Variants in PARVA observed in about 807,000 individuals in gnomAD.
The protein encoded by PARVA is alpha-parvin.
In PARVA, 25 loss-of-function variants were observed where a neutral mutation model predicts 52.6. That is an observed-to-expected ratio of 0.48 (90% confidence interval 0.35 to 0.66). The LOEUF (loss-of-function observed/expected upper bound fraction) is 0.66, where lower values mean the gene tolerates loss of function less well. Among genes scored for constraint, PARVA ranks in the 30% least tolerant of loss-of-function variants. The probability of loss-of-function intolerance (pLI) is 0.01; values close to 1 mark genes in which losing one functional copy is unlikely to be tolerated. For synonymous variants in PARVA, 185 were observed against 179.1 expected, an observed-to-expected ratio of 1.03 and a Z score of -0.26; for missense variants, 373 against 450.9, an observed-to-expected ratio of 0.83 and a Z score of 1.56.
chr11:12,506,180 G>C (rs1554902088), intron 6 of PARVA, among the ~76,000 whole-genome samples: 2 of 151,168 alleles, frequency 1.3e-5, no homozygotes, highest in Non-Finnish European at 3.0e-5. Context: ...AATATAGTCT[G>C]TTTTTTTTTA....
At chr11:12,435,333 C>A (rs1254303016) in intron 1 of PARVA, among the ~76,000 whole-genome samples, 1 of 152,178 alleles carries the variant, frequency 6.6e-6, no homozygotes, top group African/African-American at 2.4e-5. Flanking sequence ...TCCTGTCACT[C>A]CAGCCAAGAT....
chr11:12,428,542 GTA>G (rs2134991526), intron 1 of PARVA, among the ~76,000 whole-genome samples: 1 of 152,296 alleles, frequency 6.6e-6, no homozygotes, highest in East Asian at 1.9e-4. Context: ...TATCTAGATA[GTA>G]TATGCAGAGT....
intron 4 of PARVA, among the ~76,000 whole-genome samples, chr11:12,491,692 A>G (rs1455221163): frequency 1.3e-5 from 2 of 152,234 alleles, no homozygotes; most frequent in African/African-American, 2.4e-5. Flanking sequence ...ACTTTTGTAT[A>G]TCAAATATTT....
intron 1 of PARVA, among the ~76,000 whole-genome samples, chr11:12,401,097 G>A (rs1465589051): frequency 1.3e-5 from 2 of 152,214 alleles, no homozygotes; most frequent in African/African-American, 4.8e-5. Flanking sequence ...GCGGCATGTA[G>A]TGGGACCAGG....
intron 1 of PARVA, among the ~76,000 whole-genome samples, chr11:12,455,996 G>C (rs1266459058): frequency 6.6e-6 from 1 of 152,154 alleles, no homozygotes; most frequent in Non-Finnish European, 1.5e-5. Context: ...GGCTTTTCTA[G>C]TCCCTTTTTC....
At chr11:12,430,637 C>T (rs1321378550) in intron 1 of PARVA, among the ~76,000 whole-genome samples, 5 of 152,118 alleles carry the variant, frequency 3.3e-5, no homozygotes, top group South Asian at 4.1e-4. Context: ...TGAATCATGA[C>T]GTTTAATGCA....
At chr11:12,392,040 G>A (rs1939666574) in intron 1 of PARVA, among the ~76,000 whole-genome samples, 1 of 151,804 alleles carries the variant, frequency 6.6e-6, no homozygotes, top group Non-Finnish European at 1.5e-5. Flanking sequence ...CTAACCCCAA[G>A]TTGTCACTAA....
intron 4 of PARVA, chr11:12,478,607 A>C (rs1234146928): frequency 6.0e-6 from 1 of 166,218 alleles, no homozygotes; most frequent in Non-Finnish European, 1.3e-5. Flanking sequence ...CTCTACCTGA[A>C]TCTGCTTTAG....
chr11:12,413,904 A>C (rs1449635977), intron 1 of PARVA, among the ~76,000 whole-genome samples: 1 of 152,222 alleles, frequency 6.6e-6, no homozygotes. Flanking sequence ...TTTCTGCACA[A>C]AACAGTAACT....
chr11:12,481,905 C>T (rs893115480), intron 4 of PARVA, among the ~76,000 whole-genome samples: 2 of 152,002 alleles, frequency 1.3e-5, no homozygotes, highest in East Asian at 1.9e-4. Context: ...CGTGGTGGCT[C>T]ACACCTGTAA....
chr11:12,413,564 T>G (rs1197445238), intron 1 of PARVA, among the ~76,000 whole-genome samples: 1 of 151,068 alleles, frequency 6.6e-6, no homozygotes, highest in Non-Finnish European at 1.5e-5. Flanking sequence ...TTAAAAGCAG[T>G]GTTATGATGG....
At chr11:12,399,146 G>A (rs1378461975) in intron 1 of PARVA, among the ~76,000 whole-genome samples, 1 of 152,180 alleles carries the variant, frequency 6.6e-6, no homozygotes, top group East Asian at 1.9e-4. Context: ...CTGCCGCTCA[G>A]TATATATTAC....
rs756671028 is a variant in PARVA at position 12,508,684 on chromosome 11, A to C, written c.716+42A>C. 3.6e-6 allele frequency: 5 copies of C among 1,393,320 alleles called. No homozygotes were observed. In the Admixed American group the frequency reaches 5.1e-5, roughly 14 times the overall value. The allele number at this position is 1,393,320 out of a possible 1,614,324, so 86.3% of individuals were successfully genotyped here. A position where few individuals can be genotyped will look rare whatever the true frequency, so the allele number is the denominator to read the frequency against. ...GTTGCCAGCGATTCTGTAATGGAAC[A>C]CAGATGTTTCTCTGAAATTCATCCA... On this transcript the variant is annotated intron_variant, in intron 7 of 12. Transcript: ENST00000334956.
chr11:12,461,268 A>G (rs2135023668), intron 1 of PARVA, among the ~76,000 whole-genome samples: 1 of 152,316 alleles, frequency 6.6e-6, no homozygotes, highest in Admixed American at 6.5e-5. Flanking sequence ...TCCTTGGTTT[A>G]GGTGGCTTAT....
In PARVA at chr11:12,496,584, A is replaced by G; in HGVS notation, c.527A>G (p.Lys176Arg). The change falls in exon 5 of 13, where the codon AAG becomes AGG. Residue 176 changes from lysine (K) to arginine (R), a missense_variant. Lys to Arg is a conservative substitution (Grantham distance 26). Transcript: ENST00000334956. ...ETLKLPPRSI[K>R]WNVDSVHAKS... is the part of the protein sequence containing the mutation. ...CTGAAACTTCCTCCCAGGAGCATCAAGTGGAATGTGGATTGTGAGTTGAAC... is the reference window on the plus strand; with the variant it reads ...CTGAAACTTCCTCCCAGGAGCATCAGGTGGAATGTGGATTGTGAGTTGAAC... 6.2e-7 allele frequency: 1 copy of G among 1,612,276 alleles called. No individual in the cohort carries two copies. Among genetic ancestry groups the G allele is most frequent in the South Asian group, 1.1e-5 (1 of 90,286 alleles).
chr11:12,431,851 G>A (rs552190335), intron 1 of PARVA, among the ~76,000 whole-genome samples: 9 of 152,282 alleles, frequency 5.9e-5, no homozygotes, highest in South Asian at 2.1e-4. Flanking sequence ...TTCTCATCTC[G>A]TTCTGTGGCT....
In PARVA at chr11:12,531,459, G is replaced by A. The variant is rs1014017994; in HGVS notation, c.*3534G>A. On this transcript the variant is annotated 3_prime_UTR_variant, in exon 13 of 13. Coordinates refer to ENST00000334956, the MANE Select transcript of PARVA (RefSeq NM_018222.5). ...CTAGACTCTGAGACATGTATACATT[G>A]TGGTTCAAATAGGAATCATCCATAG... Among the ~76,000 whole-genome samples, 2 of 152,156 alleles carry A rather than the reference G, an allele frequency of 1.3e-5. No individual in the cohort carries two copies. Among genetic ancestry groups the A allele is most frequent in the Non-Finnish European group, 2.9e-5 (2 of 68,044 alleles).
intron 1 of PARVA, among the ~76,000 whole-genome samples, chr11:12,380,869 A>C (rs1051530302): frequency 4.6e-5 from 7 of 152,170 alleles, no homozygotes; most frequent in African/African-American, 1.7e-4. Flanking sequence ...ACTCAAAGAC[A>C]TTTTTATATT....
intron 1 of PARVA, among the ~76,000 whole-genome samples, chr11:12,462,997 T>A (rs570904558): frequency 6.6e-5 from 10 of 152,056 alleles, no homozygotes; most frequent in Non-Finnish European, 1.5e-4. Flanking sequence ...TCGTGTCTCA[T>A]AAAATCTTGG....
Sources: allele counts gnomAD v4.1 joint callset (sites outside exome capture counted in the v4.1 genomes callset), GRCh38; gene constraint gnomAD v4.1.1; transcripts MANE v1.5; gene names NCBI Gene and HGNC (gene_info 2026-07-23, HGNC 2026-07-21).